Variants in PIP4K2A observed in about 807,000 individuals in gnomAD.
PIP4K2A encodes the protein phosphatidylinositol 5-phosphate 4-kinase type-2 alpha.
In PIP4K2A, 14 loss-of-function variants were observed where a neutral mutation model predicts 42.9. The ratio of observed to expected loss-of-function variants is 0.33; its 90% confidence interval spans 0.22 to 0.51. PIP4K2A has a LOEUF of 0.51. Among genes scored for constraint, PIP4K2A ranks in the 20% least tolerant of loss-of-function variants. PIP4K2A has a pLI of 0.97. For missense variants in PIP4K2A, 434 were observed against 519.8 expected (o/e 0.83, Z 1.61); for synonymous variants, 192 against 192.2 (o/e 1.00, Z 0.01).
chr10:22,594,937 G>GTGGATTAT (rs1407387690), intron 3 of PIP4K2A, among the ~76,000 whole-genome samples: 1 of 152,182 alleles, frequency 6.6e-6, no homozygotes, highest in Admixed American at 6.5e-5. Flanking sequence ...ATCCACGTGA[G>GTGGATTAT]TAGCCCCAAC....
At chr10:22,685,755 G>A (rs969792939) in intron 1 of PIP4K2A, among the ~76,000 whole-genome samples, 1 of 151,982 alleles carries the variant, frequency 6.6e-6, no homozygotes, top group Non-Finnish European at 1.5e-5. Flanking sequence ...TGGGGGTGGC[G>A]GCGGGGCAGG....
chr10:22,603,646 C>T (rs1837844067), intron 3 of PIP4K2A, among the ~76,000 whole-genome samples: 1 of 152,164 alleles, frequency 6.6e-6, no homozygotes, highest in Admixed American at 6.5e-5. Context: ...TTCCCTAAAA[C>T]GGCTAGCACA....
chr10:22,609,802 A>T, intron 1 of PIP4K2A, 85 bp from the exon 2 acceptor site: 1 of 746,734 alleles, frequency 1.3e-6, no homozygotes, highest in Admixed American at 2.5e-5. Context: ...GGGAAAAAAA[A>T]CATGGTGGAC....
chr10:22,621,396 T>G (rs1230505516), intron 1 of PIP4K2A, among the ~76,000 whole-genome samples: 1 of 151,790 alleles, frequency 6.6e-6, no homozygotes, highest in Non-Finnish European at 1.5e-5. Flanking sequence ...ATAAACATTT[T>G]ACTTTTTAGT....
intron 1 of PIP4K2A, among the ~76,000 whole-genome samples, chr10:22,640,808 G>C (rs1396049181): frequency 1.3e-5 from 2 of 152,222 alleles, no homozygotes; most frequent in East Asian, 3.8e-4. Flanking sequence ...GGATGAAACA[G>C]AGAAGCAGTT....
intron 3 of PIP4K2A, among the ~76,000 whole-genome samples, chr10:22,603,753 G>T (rs1489265625): frequency 6.6e-6 from 1 of 152,154 alleles, no homozygotes; most frequent in Non-Finnish European, 1.5e-5. Context: ...GGGGGCAGTG[G>T]TAATGGTAGA....
At chr10:22,668,167 G>T (rs374416387) in intron 1 of PIP4K2A, among the ~76,000 whole-genome samples, 15 of 152,270 alleles carry the variant, frequency 9.9e-5, no homozygotes, top group African/African-American at 3.6e-4. Flanking sequence ...GGCCAGGCTG[G>T]TCTTGAACTC....
chr10:22,600,148 T>C (rs1332958884), intron 3 of PIP4K2A, among the ~76,000 whole-genome samples: 1 of 151,748 alleles, frequency 6.6e-6, no homozygotes, highest in Admixed American at 6.6e-5. Flanking sequence ...CAACCAAGCA[T>C]TTTGCATATT....
intron 3 of PIP4K2A, among the ~76,000 whole-genome samples, chr10:22,598,828 C>T (rs924762281): frequency 7.2e-5 from 11 of 152,082 alleles, no homozygotes; most frequent in East Asian, 3.8e-4. Flanking sequence ...AGGGAATGGA[C>T]GATGATTTAC....
chr10:22,659,000 T>C (rs1315327808), intron 1 of PIP4K2A, among the ~76,000 whole-genome samples: 1 of 152,164 alleles, frequency 6.6e-6, no homozygotes, highest in Non-Finnish European at 1.5e-5. Context: ...GGCTGCGGAA[T>C]GTACCCCCAC....
intron 1 of PIP4K2A, among the ~76,000 whole-genome samples, chr10:22,612,096 G>A (rs1392830158): frequency 1.3e-5 from 2 of 152,194 alleles, no homozygotes; most frequent in South Asian, 2.1e-4. Flanking sequence ...GAAAACTTCA[G>A]CCAACATGGA....
At chr10:22,619,443 T>TC (rs1838263295) in intron 1 of PIP4K2A, among the ~76,000 whole-genome samples, 1 of 150,538 alleles carries the variant, frequency 6.6e-6, no homozygotes, top group African/African-American at 2.4e-5. Flanking sequence ...TTTTTTCTTT[T>TC]TTTTTTTTTT....
intron 1 of PIP4K2A, among the ~76,000 whole-genome samples, chr10:22,641,606 T>C (rs1356759882): frequency 6.6e-6 from 1 of 151,308 alleles, no homozygotes; most frequent in Non-Finnish European, 1.5e-5. Context: ...CACACTCAGA[T>C]AGGTTTTTTT....
chr10:22,606,103 T>G (rs975562207), intron 3 of PIP4K2A, among the ~76,000 whole-genome samples: 3 of 147,762 alleles, frequency 2.0e-5, no homozygotes, highest in Non-Finnish European at 3.0e-5. Flanking sequence ...GGCCAGGAGT[T>G]TGAGACCAGC....
chr10:22,624,126 A>G (rs1838388560), intron 1 of PIP4K2A, among the ~76,000 whole-genome samples: 1 of 152,196 alleles, frequency 6.6e-6, no homozygotes, highest in Non-Finnish European at 1.5e-5. Context: ...AGTTTTCTTC[A>G]CTATGTTTAA....
chr10:22,565,363 T>G (rs1426407168), intron 6 of PIP4K2A, among the ~76,000 whole-genome samples: 1 of 152,240 alleles, frequency 6.6e-6, no homozygotes, highest in Non-Finnish European at 1.5e-5. Context: ...TGTGAAGATT[T>G]TATGGACATT....
chr10:22,693,780 C>T (rs567051261), intron 1 of PIP4K2A, among the ~76,000 whole-genome samples: 1 of 152,110 alleles, frequency 6.6e-6, no homozygotes, highest in Admixed American at 6.5e-5. Flanking sequence ...CTTTATTTTA[C>T]TGTCTCAGCT....
At chr10:22,574,401 T>A (rs930691458) in intron 4 of PIP4K2A, among the ~76,000 whole-genome samples, 1 of 151,936 alleles carries the variant, frequency 6.6e-6, no homozygotes, top group African/African-American at 2.4e-5. Context: ...TTGGAGGGAA[T>A]TCTGATCCTT....
chr10:22,614,066 C>T lies in PIP4K2A; in HGVS notation c.145-4349G>A, dbSNP rs115681628. ...AGCCCGTGGTCACGGGTGTGGGTGA[C>T]GGGCTTCTTGGAAGGAGTGCAGCCC... On this transcript the variant is annotated intron_variant, in intron 1 of 9. Transcript: ENST00000376573. Among the ~76,000 whole-genome samples the T allele has an allele frequency of 6.4e-3, 979 of 152,314 alleles. 12 individuals carry two copies. The highest frequency in any genetic ancestry group is 0.022 in the African/African-American group (924 of 41,562).
Sources: allele counts gnomAD v4.1 joint callset (sites outside exome capture counted in the v4.1 genomes callset), GRCh38; gene constraint gnomAD v4.1.1; transcripts MANE v1.5; gene names NCBI Gene and HGNC (gene_info 2026-07-23, HGNC 2026-07-21).